Variants in GRIK2 observed in about 807,000 individuals in gnomAD.
The protein encoded by GRIK2 is glutamate ionotropic receptor kainate type subunit 2.
In GRIK2, 32 loss-of-function variants were observed where a neutral mutation model predicts 100.3. The ratio of observed to expected loss-of-function variants is 0.32; its 90% CI spans 0.24 to 0.43. The LOEUF (loss-of-function observed/expected upper bound fraction) is 0.43, where lower values mean the gene tolerates loss of function less well. Ranked by LOEUF, GRIK2 falls within the 20% of genes least tolerant of loss-of-function variation. The pLI, the probability that GRIK2 is intolerant of heterozygous loss-of-function variation, is 1.00. For missense variants in GRIK2, 843 were observed against 1,114.9 expected, an observed-to-expected ratio of 0.76 and a Z score of 3.47; for synonymous variants, 417 against 389.4, an observed-to-expected ratio of 1.07 and a Z score of -0.83.
intron 2 of GRIK2, among the ~76,000 whole-genome samples, chr6:101,511,450 T>C (rs1272423352): frequency 1.3e-5 from 2 of 152,118 alleles, no homozygotes; most frequent in African/African-American, 2.4e-5. Flanking sequence ...AAATCTGTTA[T>C]AGAGAGAGGT....
At chr6:101,812,844 G>C (rs1781418196) in intron 9 of GRIK2, among the ~76,000 whole-genome samples, 1 of 151,966 alleles carries the variant, frequency 6.6e-6, no homozygotes, top group Non-Finnish European at 1.5e-5. Context: ...AAGGGAAAGA[G>C]TACACCTTCT....
Position 101,637,006 on chromosome 6 carries a change from T to C in GRIK2, c.541+10369T>C, listed in dbSNP as rs550621890. On this transcript the variant is annotated intron_variant, in intron 4 of 16. Transcript: ENST00000369134. ...ACCATTCCTTTTTTCAGGGCAAAAATAAAAATTATTTTGCTTTGGCTTCTG... is the reference window on the plus strand; with the variant it reads ...ACCATTCCTTTTTTCAGGGCAAAAACAAAAATTATTTTGCTTTGGCTTCTG... Among the ~76,000 whole-genome samples, 7 of 152,192 alleles carry C rather than the reference T, an allele frequency of 4.6e-5. No individual in the cohort carries two copies. The South Asian group carries it at 1.5e-3, about 32-fold the overall frequency.
intron 2 of GRIK2, among the ~76,000 whole-genome samples, chr6:101,406,739 G>A (rs1775612532): frequency 6.6e-6 from 1 of 152,146 alleles, no homozygotes; most frequent in Non-Finnish European, 1.5e-5. Context: ...TTGATACACA[G>A]TCTTTTTCAA....
chr6:101,902,249 A>G (rs754927715), intron 12 of GRIK2, among the ~76,000 whole-genome samples: 1 of 151,962 alleles, frequency 6.6e-6, no homozygotes, highest in Non-Finnish European at 1.5e-5. Flanking sequence ...AGGCCCTAGG[A>G]TACCACTAAT....
intron 4 of GRIK2, among the ~76,000 whole-genome samples, chr6:101,652,180 C>T (rs1781830165): frequency 6.6e-6 from 1 of 152,026 alleles, no homozygotes. Context: ...TGTTTGTGTT[C>T]CCCCTAAATT....
In GRIK2 at chr6:101,833,544, T is replaced by G. The variant is rs997232474; in HGVS notation, c.1317+15061T>G. On this transcript the variant is annotated intron_variant, in intron 10 of 16. Coordinates refer to ENST00000369134, the MANE Select transcript of GRIK2 (RefSeq NM_021956.5). ...CATTTTCTTTTATTATTCTTAACAA[T>G]GATAATAGATTTATGCTCAAGAAAA... 3.7e-4 allele frequency among the ~76,000 whole-genome samples: 57 copies of G among 152,160 alleles called. 1 individual carries two copies. Among genetic ancestry groups the G allele is most frequent in the Non-Finnish European group, 1.3e-4 (9 of 68,022 alleles).
intron 2 of GRIK2, among the ~76,000 whole-genome samples, chr6:101,552,378 C>CT (rs1334108481): frequency 2.6e-5 from 4 of 152,106 alleles, no homozygotes; most frequent in Non-Finnish European, 5.9e-5. Flanking sequence ...CTGTTCCTTG[C>CT]TTTTTTCCAG....
At chr6:101,707,616 A>ATATATATG (rs1773425884) in intron 7 of GRIK2, among the ~76,000 whole-genome samples, 1 of 144,580 alleles carries the variant, frequency 6.9e-6, no homozygotes. Context: ...GTATATATAT[A>ATATATATG]TATATATATA....
intron 11 of GRIK2, among the ~76,000 whole-genome samples, chr6:101,879,025 G>T (rs1040595798): frequency 1.3e-5 from 2 of 151,994 alleles, no homozygotes; most frequent in African/African-American, 4.8e-5. Flanking sequence ...AAGGACTCAG[G>T]CTGATGGAGC....
At chr6:101,899,245 T>A (rs1787687102) in intron 12 of GRIK2, among the ~76,000 whole-genome samples, 1 of 151,768 alleles carries the variant, frequency 6.6e-6, no homozygotes. Flanking sequence ...AACTATTCTA[T>A]TAACTTTTAA....
intron 2 of GRIK2, among the ~76,000 whole-genome samples, chr6:101,586,402 A>T (rs1489636590): frequency 1.3e-5 from 2 of 152,112 alleles, no homozygotes; most frequent in African/African-American, 2.4e-5. Flanking sequence ...TAGACATTGT[A>T]ACATAAAAAG....
intron 10 of GRIK2, among the ~76,000 whole-genome samples, chr6:101,842,603 A>G (rs939782997): frequency 2.0e-4 from 30 of 152,160 alleles, no homozygotes; most frequent in African/African-American, 6.8e-4. Flanking sequence ...TAGGTATTCA[A>G]AAAACTTTTT....
intron 2 of GRIK2, among the ~76,000 whole-genome samples, chr6:101,436,920 T>G (rs1052472511): frequency 1.3e-5 from 2 of 151,316 alleles, no homozygotes; most frequent in African/African-American, 4.8e-5. Flanking sequence ...TAAATTAAGA[T>G]TAAAATGGCT....
At chr6:101,493,960 AT>A (rs34316114) in intron 2 of GRIK2, among the ~76,000 whole-genome samples, 2 of 144,902 alleles carry the variant, frequency 1.4e-5, no homozygotes, top group African/African-American at 5.0e-5. Flanking sequence ...TAATATATAT[AT>A]TTTATATATA....
At chr6:101,448,539 A>G (rs948089343) in intron 2 of GRIK2, among the ~76,000 whole-genome samples, 2 of 151,558 alleles carry the variant, frequency 1.3e-5, no homozygotes, top group African/African-American at 4.8e-5. Context: ...TAATCATATG[A>G]TTGGACACAA....
In GRIK2 at chr6:102,047,329, G is replaced by A. The variant is rs546417542; in HGVS notation, c.2312-8001G>A. On this transcript the variant is annotated intron_variant, in intron 15 of 16. Coordinates refer to ENST00000369134, the MANE Select transcript of GRIK2 (RefSeq NM_021956.5). ...CTAGGCTAAGGGCAAAAAGAGAGGC[G>A]ACTCAAAATCAGAAAGAAAAAGAAG... 7.2e-5 allele frequency among the ~76,000 whole-genome samples: 11 copies of A among 151,888 alleles called. No homozygotes were observed. The South Asian group carries it at 1.5e-3, about 20-fold the overall frequency.
intron 10 of GRIK2, among the ~76,000 whole-genome samples, chr6:101,836,981 A>T (rs1010421320): frequency 6.6e-6 from 1 of 151,918 alleles, no homozygotes; most frequent in South Asian, 2.1e-4. Context: ...TTATATTTCT[A>T]TTCAGCAGCA....
chr6:101,599,917 T>C (rs1246574275), intron 2 of GRIK2, among the ~76,000 whole-genome samples: 1 of 151,836 alleles, frequency 6.6e-6, no homozygotes, highest in East Asian at 1.9e-4. Context: ...TAAGTCCCAC[T>C]TGTAAATTTT....
intron 12 of GRIK2, among the ~76,000 whole-genome samples, chr6:101,923,505 A>C (rs556532796): frequency 6.6e-6 from 1 of 152,218 alleles, no homozygotes; most frequent in Non-Finnish European, 1.5e-5. Context: ...GTCATCTACA[A>C]CTGGCCTTAA....
Sources: allele counts gnomAD v4.1 joint callset (sites outside exome capture counted in the v4.1 genomes callset), GRCh38; gene constraint gnomAD v4.1.1; transcripts MANE v1.5; gene names NCBI Gene and HGNC (gene_info 2026-07-23, HGNC 2026-07-21).